BRD4: variants seen among roughly 807,000 people sequenced by gnomAD.
The protein encoded by BRD4 is bromodomain-containing protein 4.
In BRD4, 16 loss-of-function variants were observed where a neutral mutation model predicts 142.1. The ratio of observed to expected loss-of-function variants is 0.11; its 90% CI spans 0.08 to 0.17. The LOEUF (loss-of-function observed/expected upper bound fraction) is 0.17, where lower values mean the gene tolerates loss of function less well. BRD4 is among the 10% of genes least tolerant of loss of function. The pLI is 1.00. For synonymous variants in BRD4, 833 were observed against 707.5 expected (o/e 1.18, Z -2.82); for missense variants, 1,424 against 1,810.9 (o/e 0.79, Z 3.88).
intron 1 of BRD4, among the ~76,000 whole-genome samples, chr19:15,288,692 C>G (rs992211906): frequency 1.3e-5 from 2 of 152,226 alleles, no homozygotes; most frequent in Non-Finnish European, 2.9e-5. Flanking sequence ...ACACACAGGG[C>G]CGCCGAAGGG....
intron 4 of BRD4, 133 bp downstream of exon 4, chr19:15,267,283 A>C: frequency 8.4e-7 from 1 of 1,190,246 alleles, no homozygotes; most frequent in South Asian, 1.5e-5. Context: ...ACCCAATCTC[A>C]CATGTCCAAA....
intron 7 of BRD4, among the ~76,000 whole-genome samples, chr19:15,262,533 A>G (rs2047483537): frequency 7.1e-6 from 1 of 141,780 alleles, no homozygotes; most frequent in Non-Finnish European, 1.5e-5. Flanking sequence ...TTAAAAAAAA[A>G]AAAAAAAAAG....
At chr19:15,249,370 C>T in intron 11 of BRD4, 1 of 1,610,038 alleles carries the variant, frequency 6.2e-7, no homozygotes, top group Non-Finnish European at 8.5e-7. Flanking sequence ...AGAAGAACCG[C>T]AGACTGAGCC....
At chr19:15,255,237 GAA>G in intron 10 of BRD4, 58 bp downstream of exon 10, 1 of 1,534,524 alleles carries the variant, frequency 6.5e-7, no homozygotes, top group Non-Finnish European at 8.8e-7. Context: ...AGCAAGGAGG[GAA>G]AAGTTACTCT....
chr19:15,314,407 T>C (rs187630039), intron 1 of BRD4, among the ~76,000 whole-genome samples: 37 of 152,292 alleles, frequency 2.4e-4, no homozygotes, highest in African/African-American at 8.9e-4. Context: ...CCCTTCACCA[T>C]TCCCCAGATT....
intron 1 of BRD4, among the ~76,000 whole-genome samples, chr19:15,318,058 C>T (rs1179331029): frequency 2.0e-5 from 3 of 152,228 alleles, no homozygotes; most frequent in African/African-American, 7.2e-5. Flanking sequence ...ACAACCTACA[C>T]ACAGATAGCA....
chr19:15,313,605 G>C (rs1176515999), intron 1 of BRD4, among the ~76,000 whole-genome samples: 1 of 152,046 alleles, frequency 6.6e-6, no homozygotes, highest in Admixed American at 6.6e-5. Flanking sequence ...GAACCCGGCA[G>C]GCGGAGGTTG....
In BRD4 at chr19:15,239,979, G is replaced by C; in HGVS notation, c.3213C>G (p.Pro1071=). The C allele has an allele frequency of 1.9e-6, 3 of 1,613,886 alleles. No individual in the cohort carries two copies. Among genetic ancestry groups the C allele is most frequent in the African/African-American group, 1.3e-5 (1 of 75,034 alleles). The change falls in exon 15 of 20, where the codon CCC becomes CCG. Residue 1071 remains proline (P), a synonymous_variant. Transcript: ENST00000679869. This position sits in a 1 kb window ranked among gnomAD's most constrained non-coding sequence, Gnocchi z 7.4. ...TCAGGCTCTGGAACTGTGACATCTG[G>C]GGGGAATGTATCATAAGCGGGGAGG... ...EAPSPLMIHS[P]QMSQFQSLTH...
chr19:15,331,746 G>C (rs1365474535), intron 1 of BRD4: 1 of 151,218 alleles, frequency 6.6e-6, no homozygotes, highest in African/African-American at 2.4e-5. Flanking sequence ...CGCCGGCCCC[G>C]GCCCACGTGA....
At chr19:15,278,038 G>A (rs1001582088) in intron 1 of BRD4, among the ~76,000 whole-genome samples, 5 of 147,382 alleles carry the variant, frequency 3.4e-5, no homozygotes, top group Admixed American at 2.0e-4. Context: ...CCTGGGAGGT[G>A]GAGCCTGCAG....
intron 1 of BRD4, chr19:15,275,545 T>C (rs886114399): frequency 7.9e-5 from 12 of 152,232 alleles, no homozygotes; most frequent in African/African-American, 2.9e-4. Context: ...CAGATGGTCG[T>C]GACACAGTGG....
At chr19:15,264,908 G>C in intron 5 of BRD4, 142 bp from the exon 6 acceptor site, 1 of 1,345,924 alleles carries the variant, frequency 7.4e-7, no homozygotes, top group Admixed American at 2.3e-5. Context: ...CACAGGCAAA[G>C]GGCCAAGGAC....
chr19:15,256,412 C>T (rs2047409474), intron 8 of BRD4, 149 bp from the exon 9 acceptor site: 4 of 937,460 alleles, frequency 4.3e-6, no homozygotes, highest in African/African-American at 3.3e-5. Context: ...AGGGAAGGCC[C>T]CCAGCTTTGC....
At chr19:15,279,383 A>C (rs896367428) in intron 1 of BRD4, among the ~76,000 whole-genome samples, 1 of 152,224 alleles carries the variant, frequency 6.6e-6, no homozygotes, top group Non-Finnish European at 1.5e-5. Flanking sequence ...GAAAGTTTGA[A>C]CACTTTCTGC....
chr19:15,312,686 AG>A (rs1410657298), intron 1 of BRD4, among the ~76,000 whole-genome samples: 6 of 152,016 alleles, frequency 3.9e-5, no homozygotes, highest in African/African-American at 1.2e-4. Flanking sequence ...CTGCAATCCT[AG>A]AACTTTGGGA....
chr19:15,255,914 A>C (rs2047403272), intron 9 of BRD4, 150 bp downstream of exon 9: 2 of 991,094 alleles, frequency 2.0e-6, no homozygotes, highest in South Asian at 3.2e-5. Flanking sequence ...TCCTGTGTGC[A>C]AGTGGCCACC....
In BRD4 at chr19:15,244,002, G is replaced by A. The variant is rs533851521; in HGVS notation, c.2581+229C>T. On this transcript the variant is annotated intron_variant, in intron 13 of 19. Coordinates refer to ENST00000679869, the MANE Select transcript of BRD4 (RefSeq NM_001379291.1). ...AGATTGTTACTCAAATGATGTCAGT[G>A]TTTTAGAAACAAAAATCTTCTGAAT... Among the ~76,000 whole-genome samples the A allele has an allele frequency of 8.5e-5, 13 of 152,324 alleles. No individual in the cohort carries two copies. The South Asian group carries it at 2.7e-3, about 32-fold the overall frequency.
rs1380937700 is a variant in BRD4, at chr19:15,272,842, A to G, written c.258T>C (p.Pro86=). 5.6e-6 allele frequency: 9 copies of G among 1,613,916 alleles called. No individual in the cohort carries two copies. The highest frequency in any genetic ancestry group is 6.8e-6 in the Non-Finnish European group (8 of 1,179,960). The change falls in exon 2 of 20, where the codon CCT becomes CCC. Residue 86 remains proline (P), a synonymous_variant. Transcript: ENST00000679869. Reference sequence around the variant, plus strand: ...GGAGGTTCAGCTTGACGGCATCCACAGGCTGCTGGAAAGGCCATGCAAACT... The same window carrying G: ...GGAGGTTCAGCTTGACGGCATCCACGGGCTGCTGGAAAGGCCATGCAAACT... The part of the protein sequence containing the change: ...KHQFAWPFQQ[P]VDAVKLNLPD...
At chr19:15,246,388 A>T (rs972068053) in intron 11 of BRD4, 6 of 152,150 alleles carry the variant, frequency 3.9e-5, no homozygotes, top group African/African-American at 1.2e-4. Flanking sequence ...TGGCACAAGG[A>T]GGTGATGGAG....
Sources: gnomAD v4.1 joint callset for allele counts (sites outside exome capture counted in the v4.1 genomes callset) on GRCh38, gnomAD v4.1.1 for gene constraint, Gnocchi (gnomAD v3.1) non-coding constraint, MANE v1.5 for transcripts, NCBI Gene and HGNC (gene_info 2026-07-23, HGNC 2026-07-21) for gene names.